CSMD1: variants seen among roughly 807,000 people sequenced by gnomAD.
CSMD1 encodes CUB and Sushi multiple domains 1.
Under a neutral mutation model 417.5 loss-of-function variants are expected in CSMD1, and 213 were observed. The ratio of observed to expected loss-of-function variants is 0.51; its 90% CI spans 0.46 to 0.57. The LOEUF (loss-of-function observed/expected upper bound fraction) is 0.57. CSMD1 is among the 20% of genes least tolerant of loss of function. The pLI, the probability that CSMD1 is intolerant of heterozygous loss-of-function variation, is 0.00. For synonymous variants in CSMD1, 2,862 were observed against 1,736.8 expected (o/e 1.65, Z -16.11); for missense variants, 6,923 against 4,529.7 (o/e 1.53, Z -15.17).
At chr8:3,408,332 G>T in intron 13 of CSMD1, 107 bp from the exon 14 acceptor site, 1 of 724,454 alleles carries the variant, frequency 1.4e-6, no homozygotes, top group Non-Finnish European at 2.2e-6. Context: ...CCTGCAAATA[G>T]CTATGATGAT....
chr8:3,367,292 A>C, intron 19 of CSMD1, 45 bp from the exon 20 acceptor site: 4 of 1,402,072 alleles, frequency 2.9e-6, no homozygotes, highest in Non-Finnish European at 4.0e-6. Context: ...AGAGAGAGAC[A>C]CACGGGGCGG....
intron 2 of CSMD1, among the ~76,000 whole-genome samples, chr8:4,612,004 C>G (rs1007201245): frequency 2.8e-4 from 43 of 152,008 alleles, no homozygotes; most frequent in Non-Finnish European, 5.9e-5. Context: ...CTGAAATAGT[C>G]AAATTTTAAC....
At chr8:4,499,302 C>A (rs748800776) in intron 2 of CSMD1, among the ~76,000 whole-genome samples, 3 of 152,134 alleles carry the variant, frequency 2.0e-5, no homozygotes, top group Non-Finnish European at 4.4e-5. Context: ...TCATGAAAAA[C>A]GCTTGGGATT....
intron 12 of CSMD1, among the ~76,000 whole-genome samples, chr8:3,462,591 G>T (rs911884231): frequency 1.3e-5 from 2 of 152,266 alleles, no homozygotes; most frequent in Non-Finnish European, 2.9e-5. Flanking sequence ...CTGTCTAGTT[G>T]CAGGAAAACA....
chr8:4,181,906 G>T (rs1798397829), intron 3 of CSMD1, among the ~76,000 whole-genome samples: 1 of 151,840 alleles, frequency 6.6e-6, no homozygotes, highest in Non-Finnish European at 1.5e-5. Context: ...AACCACAAAG[G>T]CAGGACAAGT....
At chr8:4,831,246 G>C (rs940008016) in intron 1 of CSMD1, among the ~76,000 whole-genome samples, 3 of 152,164 alleles carry the variant, frequency 2.0e-5, no homozygotes, top group Admixed American at 6.5e-5. Flanking sequence ...AGAATTACAA[G>C]AGCATATTGT....
At chr8:3,221,366 G>C (rs1160100429) in intron 28 of CSMD1, among the ~76,000 whole-genome samples, 1 of 152,184 alleles carries the variant, frequency 6.6e-6, no homozygotes, top group Non-Finnish European at 1.5e-5. Flanking sequence ...GGCGCTAGCA[G>C]GAATGGTGTG....
intron 3 of CSMD1, among the ~76,000 whole-genome samples, chr8:4,177,311 A>G (rs900791052): frequency 3.1e-4 from 47 of 152,252 alleles, no homozygotes; most frequent in African/African-American, 1.1e-3. Flanking sequence ...GAAACTGAAC[A>G]ACCTGCTCCT....
chr8:4,364,351 T>C (rs1343370725), intron 3 of CSMD1, among the ~76,000 whole-genome samples: 1 of 152,142 alleles, frequency 6.6e-6, no homozygotes, highest in African/African-American at 2.4e-5. Context: ...AAATCTTACC[T>C]AAGAAAACAG....
At chr8:4,799,612 A>G (rs1055671972) in intron 1 of CSMD1, among the ~76,000 whole-genome samples, 4 of 150,386 alleles carry the variant, frequency 2.7e-5, no homozygotes, top group Non-Finnish European at 4.4e-5. Context: ...AAAAAAAAAA[A>G]AAAAAAAAAA....
At chr8:3,687,173 C>T (rs898779707) in intron 7 of CSMD1, among the ~76,000 whole-genome samples, 3 of 152,240 alleles carry the variant, frequency 2.0e-5, no homozygotes, top group Non-Finnish European at 2.9e-5. Flanking sequence ...AACGCACCTC[C>T]GTGCAGCTCA....
intron 5 of CSMD1, among the ~76,000 whole-genome samples, chr8:3,844,092 G>A (rs945283712): frequency 3.3e-5 from 5 of 152,064 alleles, no homozygotes; most frequent in Admixed American, 2.0e-4. Flanking sequence ...ATCTAAACCT[G>A]CCCCTCCTAC....
At chr8:4,287,676 A>ATTT (rs1797137231) in intron 3 of CSMD1, among the ~76,000 whole-genome samples, 1 of 149,508 alleles carries the variant, frequency 6.7e-6, no homozygotes, top group African/African-American at 2.4e-5. Context: ...TATTATTATT[A>ATTT]TTATTATTAC....
intron 26 of CSMD1, among the ~76,000 whole-genome samples, chr8:3,232,996 A>C (rs375370262): frequency 6.6e-6 from 1 of 152,072 alleles, no homozygotes; most frequent in South Asian, 2.1e-4. Context: ...TATAAACCTC[A>C]TACATTAAAT....
At chr8:4,371,001 C>A (rs1404544623) in intron 3 of CSMD1, among the ~76,000 whole-genome samples, 1 of 152,124 alleles carries the variant, frequency 6.6e-6, no homozygotes, top group Non-Finnish European at 1.5e-5. Context: ...GACACACTGA[C>A]CTTTAGTGTT....
intron 1 of CSMD1, among the ~76,000 whole-genome samples, chr8:4,786,102 C>A (rs1002534882): frequency 1.4e-5 from 2 of 145,280 alleles, no homozygotes; most frequent in African/African-American, 4.9e-5. Flanking sequence ...ATGTGTAAGA[C>A]CAAAAAAAAT....
chr8:4,732,824 G>C (rs1366909496), intron 1 of CSMD1, among the ~76,000 whole-genome samples: 3 of 152,154 alleles, frequency 2.0e-5, no homozygotes, highest in African/African-American at 4.8e-5. Flanking sequence ...AAATGAGCTT[G>C]GAACTTCTTT....
chr8:3,170,460 G>A (rs762357371), intron 37 of CSMD1, among the ~76,000 whole-genome samples: 2 of 152,118 alleles, frequency 1.3e-5, no homozygotes, highest in East Asian at 1.9e-4. Context: ...CGCCCGCCTC[G>A]GCCTCCCAAA....
chr8:4,214,504 C>T (rs1274046974), intron 3 of CSMD1, among the ~76,000 whole-genome samples: 2 of 152,116 alleles, frequency 1.3e-5, no homozygotes, highest in East Asian at 3.9e-4. Context: ...TCCTCTGTTG[C>T]CCAGGTTGGT....
Sources: gnomAD v4.1 joint callset for allele counts (sites outside exome capture counted in the v4.1 genomes callset) on GRCh38, gnomAD v4.1.1 for gene constraint, MANE v1.5 for transcripts, NCBI Gene and HGNC (gene_info 2026-07-23, HGNC 2026-07-21) for gene names.